Variants in MACROD2 observed in about 807,000 individuals in gnomAD.
MACROD2 encodes mono-ADP ribosylhydrolase 2.
MACROD2 carries 36 observed loss-of-function variants against 70.4 expected under a neutral mutation model. The ratio of observed to expected loss-of-function variants is 0.51; its 90% CI spans 0.39 to 0.68. MACROD2 has a LOEUF of 0.68. Ranked by LOEUF, MACROD2 falls within the 30% of genes least tolerant of loss-of-function variation. MACROD2 has a pLI of 0.00. For missense variants in MACROD2, 496 were observed against 538.4 expected (o/e 0.92, Z 0.78); for synonymous variants, 172 against 178.8 (o/e 0.96, Z 0.30).
At chr20:14,455,553 C>G (rs1444889237) in intron 3 of MACROD2, among the ~76,000 whole-genome samples, 1 of 151,704 alleles carries the variant, frequency 6.6e-6, no homozygotes, top group Non-Finnish European at 1.5e-5. Flanking sequence ...GTTGAGGAGA[C>G]AAGAGCAATA....
chr20:16,049,383 G>A (rs6110883), intron 17 of MACROD2, among the ~76,000 whole-genome samples: 5 of 152,108 alleles, frequency 3.3e-5, no homozygotes, highest in African/African-American at 1.2e-4. Context: ...TAGTGAATAA[G>A]GCAGATAATT....
At chr20:15,941,713 T>C (rs2065753674) in intron 12 of MACROD2, among the ~76,000 whole-genome samples, 1 of 152,214 alleles carries the variant, frequency 6.6e-6, no homozygotes. Context: ...AGAACATTTT[T>C]GCTGATCAAA....
intron 5 of MACROD2, among the ~76,000 whole-genome samples, chr20:15,039,651 G>A (rs562244875): frequency 6.7e-6 from 1 of 148,286 alleles, no homozygotes; most frequent in Admixed American, 6.7e-5. Flanking sequence ...GAGTGTGATA[G>A]ACAACTAAAC....
At chr20:15,759,936 G>A (rs1027631253) in intron 8 of MACROD2, among the ~76,000 whole-genome samples, 4 of 152,246 alleles carry the variant, frequency 2.6e-5, no homozygotes, top group African/African-American at 9.6e-5. Context: ...CCTTTCCCAA[G>A]AGGAGAACTG....
chr20:14,445,512 C>T (rs1055719694), intron 3 of MACROD2, among the ~76,000 whole-genome samples: 1 of 152,078 alleles, frequency 6.6e-6, no homozygotes, highest in Non-Finnish European at 1.5e-5. Flanking sequence ...TCCCCAATTC[C>T]CCATTTTCCT....
At chr20:14,749,354 A>T (rs554816815) in intron 5 of MACROD2, among the ~76,000 whole-genome samples, 7 of 152,138 alleles carry the variant, frequency 4.6e-5, no homozygotes, top group Non-Finnish European at 8.8e-5. Flanking sequence ...TATAAATTAC[A>T]TAGCTTATAT....
At chr20:15,790,294 G>A (rs1330754815) in intron 8 of MACROD2, among the ~76,000 whole-genome samples, 4 of 151,350 alleles carry the variant, frequency 2.6e-5, no homozygotes, top group African/African-American at 9.7e-5. Context: ...CAAGTTAAAT[G>A]ATAAAAATTT....
intron 15 of MACROD2, among the ~76,000 whole-genome samples, chr20:15,996,020 C>A (rs2066626945): frequency 6.6e-6 from 1 of 152,014 alleles, no homozygotes; most frequent in African/African-American, 2.4e-5. Context: ...AGATATGTAA[C>A]CAGAAGTGGG....
At chr20:14,084,127 G>A (rs1449143101) in intron 2 of MACROD2, among the ~76,000 whole-genome samples, 18 of 147,986 alleles carry the variant, frequency 1.2e-4, no homozygotes, top group African/African-American at 3.5e-4. Context: ...AGAAGGGAAT[G>A]CTTTATAGAC....
intron 4 of MACROD2, among the ~76,000 whole-genome samples, chr20:14,576,706 G>A (rs1360505003): frequency 7.0e-6 from 1 of 142,086 alleles, no homozygotes; most frequent in Non-Finnish European, 1.5e-5. Context: ...GGCTCTCAGA[G>A]GTCAAGAGTG....
chr20:15,866,799 C>A (rs2064499917), intron 9 of MACROD2, among the ~76,000 whole-genome samples: 1 of 152,176 alleles, frequency 6.6e-6, no homozygotes, highest in African/African-American at 2.4e-5. Context: ...TTTTATCATT[C>A]ATCTCAAAAT....
intron 8 of MACROD2, among the ~76,000 whole-genome samples, chr20:15,821,885 G>A (rs995815247): frequency 4.6e-5 from 7 of 152,212 alleles, no homozygotes; most frequent in Non-Finnish European, 8.8e-5. Flanking sequence ...ACCGAGGGAC[G>A]ACTGTATACC....
At chr20:14,862,933 CA>C (rs2073387741) in intron 5 of MACROD2, among the ~76,000 whole-genome samples, 1 of 150,900 alleles carries the variant, frequency 6.6e-6, no homozygotes, top group Non-Finnish European at 1.5e-5. Context: ...AATAGTAATA[CA>C]AAAATGCTGA....
chr20:14,356,498 C>CTTTTTTT (rs71190132), intron 3 of MACROD2, among the ~76,000 whole-genome samples: 49 of 76,778 alleles, frequency 6.4e-4, no homozygotes, highest in Non-Finnish European at 8.2e-4. Flanking sequence ...GATCTACTTT[C>CTTTTTTT]TTTTTTTTTT....
chr20:15,634,601 G>A (rs2049337309), intron 8 of MACROD2, among the ~76,000 whole-genome samples: 1 of 152,192 alleles, frequency 6.6e-6, no homozygotes, highest in Non-Finnish European at 1.5e-5. Flanking sequence ...ACCTTATGGG[G>A]ATTAAAATTG....
intron 8 of MACROD2, among the ~76,000 whole-genome samples, chr20:15,834,098 C>A (rs1466001280): frequency 6.6e-6 from 1 of 152,138 alleles, no homozygotes; most frequent in Non-Finnish European, 1.5e-5. Flanking sequence ...CAGAAACTTA[C>A]CTGTGTCCTG....
At chr20:15,711,029 C>G (rs954332397) in intron 8 of MACROD2, among the ~76,000 whole-genome samples, 1 of 152,158 alleles carries the variant, frequency 6.6e-6, no homozygotes, top group Non-Finnish European at 1.5e-5. Flanking sequence ...AAATAATTCA[C>G]TTATATTTTA....
At chr20:14,996,791 A>T (rs1231097733) in intron 5 of MACROD2, among the ~76,000 whole-genome samples, 1 of 152,198 alleles carries the variant, frequency 6.6e-6, no homozygotes, top group African/African-American at 2.4e-5. Flanking sequence ...GTGCCCATGG[A>T]GGGAGCGTTT....
intron 3 of MACROD2, among the ~76,000 whole-genome samples, chr20:14,479,622 C>T (rs1403854216): frequency 6.6e-6 from 1 of 152,108 alleles, no homozygotes; most frequent in Non-Finnish European, 1.5e-5. Flanking sequence ...GGTTGCCTCT[C>T]GCATTATCTC....
Sources: gnomAD v4.1 joint callset for allele counts (sites outside exome capture counted in the v4.1 genomes callset) on GRCh38, gnomAD v4.1.1 for gene constraint, MANE v1.5 for transcripts, NCBI Gene and HGNC (gene_info 2026-07-23, HGNC 2026-07-21) for gene names.